GPC6: variants seen among roughly 807,000 people sequenced by gnomAD.
The protein encoded by GPC6 is glypican-6.
In GPC6, 14 loss-of-function variants were observed where a neutral mutation model predicts 55.2. The ratio of observed to expected loss-of-function variants is 0.25; its 90% CI spans 0.17 to 0.40. The LOEUF is 0.40. Among genes scored for constraint, GPC6 ranks in the 10% least tolerant of loss-of-function variants. The probability of loss-of-function intolerance (pLI) is 1.00; values close to 1 mark genes in which losing one functional copy is unlikely to be tolerated. For missense variants in GPC6, 641 were observed against 708.5 expected, an observed-to-expected ratio of 0.90 and a Z score of 1.08; for synonymous variants, 278 against 259.6, an observed-to-expected ratio of 1.07 and a Z score of -0.68.
At chr13:94,402,640 G>A (rs773044465) in intron 8 of GPC6, among the ~76,000 whole-genome samples, 8 of 152,144 alleles carry the variant, frequency 5.3e-5, no homozygotes, top group Middle Eastern at 3.2e-3. Context: ...AGAACTGCCC[G>A]AGACTGGGTA....
intron 1 of GPC6, among the ~76,000 whole-genome samples, chr13:93,269,289 T>G (rs2031844): frequency 0.2 from 30,867 of 152,056 alleles, 3,216 homozygotes; most frequent in South Asian, 0.28. Context: ...GAAAACACAA[T>G]CAAACTAAAT....
chr13:93,368,845 C>T (rs1237561049), intron 1 of GPC6, among the ~76,000 whole-genome samples: 2 of 152,136 alleles, frequency 1.3e-5, no homozygotes, highest in African/African-American at 4.8e-5. Flanking sequence ...TAGGCATTTG[C>T]TGTACCTCAG....
chr13:94,325,985 G>A (rs1283692808), intron 6 of GPC6, among the ~76,000 whole-genome samples: 1 of 152,166 alleles, frequency 6.6e-6, no homozygotes, highest in African/African-American at 2.4e-5. Flanking sequence ...CAGGCATGCA[G>A]ATTGACATTA....
chr13:93,257,833 T>C (rs1469123772), intron 1 of GPC6, among the ~76,000 whole-genome samples: 3 of 152,328 alleles, frequency 2.0e-5, no homozygotes, highest in East Asian at 1.9e-4. Context: ...ATTAACTTTT[T>C]CTAGTATTAA....
At chr13:93,721,514 A>G (rs1429989412) in intron 2 of GPC6, among the ~76,000 whole-genome samples, 4 of 151,716 alleles carry the variant, frequency 2.6e-5, no homozygotes, top group African/African-American at 4.8e-5. Context: ...GATGAGATTG[A>G]TGAAATAAAG....
In GPC6 at chr13:93,713,844, T is replaced by C. The variant is rs186178940; in HGVS notation, c.320-116310T>C. Among the ~76,000 whole-genome samples the C allele has an allele frequency of 8.5e-4, 129 of 151,794 alleles. 1 individual carries two copies. The highest frequency in any genetic ancestry group is 2.8e-4 in the Non-Finnish European group (19 of 67,764). ...AGGTGGTATCTCAGGCTAGCAGCTC[T>C]AACAGCACCTGGGAGAGCATTAAAA... On this transcript the variant is annotated intron_variant, in intron 2 of 8. Coordinates refer to ENST00000377047, the MANE Select transcript of GPC6 (RefSeq NM_005708.5).
intron 4 of GPC6, among the ~76,000 whole-genome samples, chr13:94,168,809 A>G (rs1888459855): frequency 6.6e-6 from 1 of 151,198 alleles, no homozygotes; most frequent in South Asian, 2.1e-4. Context: ...TATTATATTC[A>G]TTTTTTATTC....
Position 93,988,800 on chromosome 13 carries a change from A to G in GPC6, c.712-38929A>G, listed in dbSNP as rs143108610. Among the ~76,000 whole-genome samples, 464 of 152,310 alleles carry G rather than the reference A, an allele frequency of 3.0e-3. 1 individual carries two copies. Among genetic ancestry groups the G allele is most frequent in the Non-Finnish European group, 5.0e-3 (337 of 68,036 alleles). The stretch of plus-strand genomic sequence containing the variant: ...GGGACACAAACATTCAACCTGTAGC[A>G]ATAACATGTATACAATGTGTTAGAA... On this transcript the variant is annotated intron_variant, in intron 3 of 8. Transcript: ENST00000377047.
chr13:94,106,869 A>G (rs975943841), intron 4 of GPC6, among the ~76,000 whole-genome samples: 28 of 152,284 alleles, frequency 1.8e-4, no homozygotes, highest in Admixed American at 2.0e-4. Flanking sequence ...GTGATGACTG[A>G]AAGTTTTATG....
intron 1 of GPC6, among the ~76,000 whole-genome samples, chr13:93,245,109 G>A (rs1315613131): frequency 6.6e-6 from 1 of 152,172 alleles, no homozygotes; most frequent in African/African-American, 2.4e-5. Flanking sequence ...CCTGGGTGTG[G>A]AGGGGACACT....
chr13:93,408,782 G>A (rs548821323), intron 1 of GPC6, among the ~76,000 whole-genome samples: 1 of 152,212 alleles, frequency 6.6e-6, no homozygotes, highest in African/African-American at 2.4e-5. Context: ...GAGGTAGTAG[G>A]TAAGGAGGGC....
intron 2 of GPC6, among the ~76,000 whole-genome samples, chr13:93,658,965 A>G (rs1236557703): frequency 6.6e-6 from 1 of 151,862 alleles, no homozygotes; most frequent in Admixed American, 6.6e-5. Context: ...TTCATTAAAT[A>G]TTTGGTAAAT....
At chr13:93,850,286 C>T (rs929638172) in intron 3 of GPC6, among the ~76,000 whole-genome samples, 1 of 151,860 alleles carries the variant, frequency 6.6e-6, no homozygotes, top group Non-Finnish European at 1.5e-5. Context: ...TAACACCTAG[C>T]CCAGCCTTAG....
At chr13:93,385,047 T>A (rs9524036) in intron 1 of GPC6, among the ~76,000 whole-genome samples, 29,483 of 152,064 alleles carry the variant, frequency 0.19, 3,438 homozygotes, top group East Asian at 0.54. Context: ...TAAAATACAC[T>A]TACATAAACA....
chr13:93,875,544 G>C (rs1889265758), intron 3 of GPC6, among the ~76,000 whole-genome samples: 2 of 152,002 alleles, frequency 1.3e-5, no homozygotes, highest in African/African-American at 4.8e-5. Flanking sequence ...ATGCACAAAG[G>C]TAAGATGCGT....
chr13:93,910,041 A>G (rs1388317177), intron 3 of GPC6, among the ~76,000 whole-genome samples: 1 of 151,006 alleles, frequency 6.6e-6, no homozygotes, highest in African/African-American at 2.5e-5. Context: ...CAAAACTCTA[A>G]GAATTTACAG....
the GPC6 span, among the ~76,000 whole-genome samples, chr13:93,218,402 A>G: frequency 5.0e-4 from 76 of 152,330 alleles, no homozygotes; most frequent in African/African-American, 1.8e-3. Context: ...AATTCAGCAA[A>G]ATTAAGCTTA....
At chr13:94,037,095 T>A (rs1352506503) in intron 4 of GPC6, among the ~76,000 whole-genome samples, 1 of 151,974 alleles carries the variant, frequency 6.6e-6, no homozygotes, top group Non-Finnish European at 1.5e-5. Context: ...TCATCAATAG[T>A]CCTAAGAGGA....
intron 3 of GPC6, among the ~76,000 whole-genome samples, chr13:93,980,368 T>C (rs945357345): frequency 2.0e-5 from 3 of 152,148 alleles, no homozygotes; most frequent in East Asian, 1.9e-4. Context: ...GCTTCATATT[T>C]TGATTTCTGT....
Sources: allele counts gnomAD v4.1 joint callset (sites outside exome capture counted in the v4.1 genomes callset), GRCh38; gene constraint gnomAD v4.1.1; transcripts MANE v1.5; gene names NCBI Gene and HGNC (gene_info 2026-07-23, HGNC 2026-07-21).